GULP1: variants seen among roughly 807,000 people sequenced by gnomAD.
The protein encoded by GULP1 is PTB domain-containing engulfment adapter protein 1.
Under a neutral mutation model 40.9 loss-of-function variants are expected in GULP1, and 19 were observed. The ratio of observed to expected loss-of-function variants is 0.46; its 90% confidence interval spans 0.32 to 0.68. The LOEUF is 0.68. GULP1 is among the 30% of genes least tolerant of loss of function. The pLI is 0.03. For missense variants in GULP1, 312 were observed against 362.2 expected (o/e 0.86, Z 1.12); for synonymous variants, 119 against 117.6 (o/e 1.01, Z -0.08).
At chr2:188,345,082 C>G (rs552684824) in intron 1 of GULP1, among the ~76,000 whole-genome samples, 2 of 152,136 alleles carry the variant, frequency 1.3e-5, no homozygotes, top group East Asian at 1.9e-4. Flanking sequence ...ACTTCAGGCT[C>G]TGACAAAGGT....
chr2:188,322,727 T>C (rs1344901793), intron 1 of GULP1, among the ~76,000 whole-genome samples: 1 of 152,160 alleles, frequency 6.6e-6, no homozygotes, highest in Non-Finnish European at 1.5e-5. Flanking sequence ...TTATTTGAAG[T>C]TGTAGACTTT....
intron 2 of GULP1, among the ~76,000 whole-genome samples, chr2:188,390,916 C>A (rs1417552381): frequency 6.6e-6 from 1 of 151,950 alleles, no homozygotes; most frequent in Non-Finnish European, 1.5e-5. Flanking sequence ...TGTCAAAGAT[C>A]AGTTGGTTAT....
intron 2 of GULP1, among the ~76,000 whole-genome samples, chr2:188,421,454 G>A (rs746626540): frequency 3.9e-5 from 6 of 151,988 alleles, no homozygotes; most frequent in African/African-American, 7.2e-5. Flanking sequence ...TTTTAAAGCG[G>A]TTTTTACTAA....
intron 1 of GULP1, among the ~76,000 whole-genome samples, chr2:188,350,534 T>C (rs1034476771): frequency 6.6e-6 from 1 of 152,052 alleles, no homozygotes; most frequent in Non-Finnish European, 1.5e-5. Flanking sequence ...ATATATACAT[T>C]TTACTGAACT....
chr2:188,523,591 A>G (rs940247273), intron 5 of GULP1, among the ~76,000 whole-genome samples: 3 of 151,994 alleles, frequency 2.0e-5, no homozygotes, highest in African/African-American at 7.3e-5. Context: ...GTTATTCTCT[A>G]TAGTTGCTCT....
chr2:188,423,258 A>G lies in GULP1; in HGVS notation c.-45+39369A>G, dbSNP rs561278164. 2.0e-5 allele frequency among the ~76,000 whole-genome samples: 3 copies of G among 152,194 alleles called. No homozygotes were observed. In the East Asian group the frequency reaches 5.8e-4, roughly 29 times the overall value. On this transcript the variant is annotated intron_variant, in intron 2 of 11. Coordinates refer to ENST00000409830, the MANE Select transcript of GULP1 (RefSeq NM_016315.4). Reference sequence around the variant, plus strand: ...TTATTATTATAATCATCTTATTTTAAAAGATGAAGAAATAGCTTTATTTGT... The same window carrying G: ...TTATTATTATAATCATCTTATTTTAGAAGATGAAGAAATAGCTTTATTTGT...
At chr2:188,343,847 G>A (rs2043280526) in intron 1 of GULP1, among the ~76,000 whole-genome samples, 1 of 152,068 alleles carries the variant, frequency 6.6e-6, no homozygotes, top group Non-Finnish European at 1.5e-5. Flanking sequence ...CACCCAGACG[G>A]GAGGGAGTGT....
intron 4 of GULP1, among the ~76,000 whole-genome samples, chr2:188,502,330 A>T (rs574895655): frequency 6.6e-6 from 1 of 151,984 alleles, no homozygotes; most frequent in Non-Finnish European, 1.5e-5. Context: ...TAGAACACTT[A>T]TTGTCTAACT....
At chr2:188,410,266 G>C (rs575611179) in intron 2 of GULP1, among the ~76,000 whole-genome samples, 1 of 152,208 alleles carries the variant, frequency 6.6e-6, no homozygotes, top group Admixed American at 6.5e-5. Context: ...AAACAAAGGG[G>C]AAAAGCCCTG....
chr2:188,397,439 A>G (rs1282227267), intron 2 of GULP1, among the ~76,000 whole-genome samples: 2 of 152,200 alleles, frequency 1.3e-5, no homozygotes, highest in Non-Finnish European at 2.9e-5. Context: ...AGACGATAAG[A>G]TTCTTGAGGA....
chr2:188,357,890 G>A (rs2045564942), intron 1 of GULP1, among the ~76,000 whole-genome samples: 1 of 152,078 alleles, frequency 6.6e-6, no homozygotes, highest in Admixed American at 6.6e-5. Context: ...AAAAAATAAT[G>A]AAATCCTGGC....
At chr2:188,555,199 G>T (rs1342118737) in intron 7 of GULP1, among the ~76,000 whole-genome samples, 1 of 152,060 alleles carries the variant, frequency 6.6e-6, no homozygotes, top group Non-Finnish European at 1.5e-5. Context: ...TTTTCTGGTT[G>T]TTTTATATAT....
intron 4 of GULP1, among the ~76,000 whole-genome samples, chr2:188,509,221 G>A (rs1377984384): frequency 6.6e-6 from 1 of 152,028 alleles, no homozygotes. Flanking sequence ...CTCTGTAGGA[G>A]GCCACCGACA....
chr2:188,399,373 T>C (rs1490052879), intron 2 of GULP1, among the ~76,000 whole-genome samples: 1 of 152,026 alleles, frequency 6.6e-6, no homozygotes, highest in African/African-American at 2.4e-5. Context: ...ATGGCTGAGT[T>C]TGAGTCATTT....
intron 2 of GULP1, among the ~76,000 whole-genome samples, chr2:188,412,246 C>T (rs931807404): frequency 2.6e-5 from 4 of 152,098 alleles, no homozygotes; most frequent in Non-Finnish European, 5.9e-5. Context: ...CATCAGATCT[C>T]GTGAGAACTC....
In GULP1 at chr2:188,450,605, G is replaced by T. The variant is rs561133361; in HGVS notation, c.-44-27054G>T. 1.0e-3 allele frequency among the ~76,000 whole-genome samples: 152 copies of T among 152,142 alleles called. 6 individuals are homozygous for T. In the South Asian group the frequency reaches 0.03, roughly 30 times the overall value. ...TTTTTCCCTGAATGCTAAAGTGGGT[G>T]CACTCAGTGGGCCACGATGAATTAT... is the stretch of plus-strand genomic sequence containing the variant. On this transcript the variant is annotated intron_variant, in intron 2 of 11. Coordinates refer to ENST00000409830, the MANE Select transcript of GULP1 (RefSeq NM_016315.4).
chr2:188,582,700 T>C (rs1190065393), intron 9 of GULP1: 2 of 352,036 alleles, frequency 5.7e-6, no homozygotes, highest in African/African-American at 4.3e-5. Flanking sequence ...GGAGCCTTTG[T>C]GTGCCATTGT....
At chr2:188,529,394 G>A (rs1284352174) in intron 6 of GULP1, among the ~76,000 whole-genome samples, 199 bp downstream of exon 6, 1 of 152,014 alleles carries the variant, frequency 6.6e-6, no homozygotes, top group African/African-American at 2.4e-5. Flanking sequence ...GCTTGTTTGG[G>A]ATATAATATT....
At chr2:188,575,069 A>AT (rs1399769426) in intron 9 of GULP1, among the ~76,000 whole-genome samples, 3 of 152,176 alleles carry the variant, frequency 2.0e-5, no homozygotes, top group South Asian at 4.1e-4. Flanking sequence ...AAACTAAATA[A>AT]TTTTAGGTTG....
Sources: gnomAD v4.1 joint callset for allele counts (sites outside exome capture counted in the v4.1 genomes callset) on GRCh38, gnomAD v4.1.1 for gene constraint, MANE v1.5 for transcripts, NCBI Gene and HGNC (gene_info 2026-07-23, HGNC 2026-07-21) for gene names.